PRKG1: variants seen among roughly 807,000 people sequenced by gnomAD.
The protein encoded by PRKG1 is protein kinase cGMP-dependent 1.
A neutral mutation model predicts 88.1 loss-of-function variants in PRKG1; 35 were observed. That is an observed-to-expected ratio of 0.40 (90% confidence interval 0.30 to 0.53). The LOEUF (loss-of-function observed/expected upper bound fraction) is 0.53, where lower values mean the gene tolerates loss of function less well. Ranked by LOEUF, PRKG1 falls within the 20% of genes least tolerant of loss-of-function variation. PRKG1 has a pLI of 0.59. For missense variants in PRKG1, 540 were observed against 839.8 expected (o/e 0.64, Z 4.41); for synonymous variants, 303 against 292.5 (o/e 1.04, Z -0.37).
Position 51,100,191 on chromosome 10 carries a change from G to A in PRKG1, c.311+25290G>A, listed in dbSNP as rs140895654. 3.3e-5 allele frequency among the ~76,000 whole-genome samples: 5 copies of A among 152,242 alleles called. No individual in the cohort carries two copies. In the East Asian group the frequency reaches 9.6e-4, roughly 29 times the overall value. On this transcript the variant is annotated intron_variant, in intron 1 of 17. Coordinates refer to ENST00000373980, the MANE Select transcript of PRKG1 (RefSeq NM_006258.4). ...TTACAGAAATGAGCCATCATACCTG[G>A]TCTAGTTTTGTGTGTATGTTTTAAA...
intron 7 of PRKG1, among the ~76,000 whole-genome samples, chr10:52,066,844 G>A (rs866985286): frequency 6.6e-6 from 1 of 152,198 alleles, no homozygotes; most frequent in African/African-American, 2.4e-5. Context: ...GCGTGTGGAT[G>A]CCATTTTGTG....
rs1840686031 is a variant in PRKG1, at chr10:51,675,435, A to G, written c.593-129150A>G. ...TAAAATTGCAATTTTTATCAAGTCA[A>G]GACATCATCCATCAAGGGAAAAGTT... On this transcript the variant is annotated intron_variant, in intron 3 of 17. Transcript: ENST00000373980. Among the ~76,000 whole-genome samples the G allele has an allele frequency of 3.3e-5, 5 of 152,206 alleles. No homozygotes were observed. In the South Asian group the frequency reaches 1.0e-3, roughly 31 times the overall value.
chr10:52,030,737 G>A (rs1845455043), intron 5 of PRKG1, among the ~76,000 whole-genome samples: 1 of 152,166 alleles, frequency 6.6e-6, no homozygotes, highest in Admixed American at 6.5e-5. Context: ...AATCACTGAT[G>A]TGAATAATAA....
chr10:51,258,938 C>A (rs1043834330), intron 2 of PRKG1, among the ~76,000 whole-genome samples: 1 of 152,094 alleles, frequency 6.6e-6, no homozygotes, highest in African/African-American at 2.4e-5. Context: ...TTGATGTGAA[C>A]CTCACGTTCA....
chr10:52,122,953 A>AAT (rs1847853958), intron 7 of PRKG1, among the ~76,000 whole-genome samples: 1 of 152,178 alleles, frequency 6.6e-6, no homozygotes, highest in Non-Finnish European at 1.5e-5. Context: ...AAAAAATAGC[A>AAT]ATATATATCC....
intron 5 of PRKG1, among the ~76,000 whole-genome samples, chr10:51,936,173 T>C (rs559300563): frequency 1.3e-5 from 2 of 152,046 alleles, no homozygotes; most frequent in Non-Finnish European, 2.9e-5. Flanking sequence ...CTGTTCAATC[T>C]AGTGTGGGCT....
intron 5 of PRKG1, among the ~76,000 whole-genome samples, chr10:52,006,228 T>G (rs955775153): frequency 6.6e-6 from 1 of 152,030 alleles, no homozygotes; most frequent in Admixed American, 6.5e-5. Context: ...CCAGAGCACT[T>G]TCTTTCTTCC....
chr10:51,418,592 T>A (rs761230285), intron 2 of PRKG1, among the ~76,000 whole-genome samples: 23 of 152,206 alleles, frequency 1.5e-4, no homozygotes, highest in Non-Finnish European at 3.1e-4. Context: ...AGATGAGATC[T>A]AAGCCAGGCA....
intron 2 of PRKG1, among the ~76,000 whole-genome samples, chr10:51,242,721 T>C (rs1164831606): frequency 1.3e-5 from 2 of 152,162 alleles, no homozygotes; most frequent in Non-Finnish European, 2.9e-5. Context: ...AAGATTGTAA[T>C]TGACCAGAGG....
chr10:51,211,187 G>A lies in PRKG1; in HGVS notation c.478+57857G>A, dbSNP rs1427530395. Among the ~76,000 whole-genome samples the A allele has an allele frequency of 3.9e-5, 6 of 152,092 alleles. No individual in the cohort carries two copies. In the South Asian group the frequency reaches 8.3e-4, roughly 21 times the overall value. ...TACGAAAATCGATAAACGTAATCCA[G>A]CATATAAACAGAACCAACGACAAAA... On this transcript the variant is annotated intron_variant, in intron 2 of 17. Coordinates refer to ENST00000373980, the MANE Select transcript of PRKG1 (RefSeq NM_006258.4).
chr10:52,247,184 A>AT (rs1338862486), intron 9 of PRKG1, among the ~76,000 whole-genome samples: 2 of 152,230 alleles, frequency 1.3e-5, no homozygotes, highest in East Asian at 1.9e-4. Flanking sequence ...AACAATAATA[A>AT]TTTTTTTAAA....
At chr10:51,002,051 G>A (rs1268798119) in intron 1 of PRKG1, among the ~76,000 whole-genome samples, 1 of 151,546 alleles carries the variant, frequency 6.6e-6, no homozygotes, top group Non-Finnish European at 1.5e-5. Flanking sequence ...GAAACAAAGA[G>A]TACAGTTTGC....
chr10:51,818,711 A>G (rs1839657027), intron 4 of PRKG1, among the ~76,000 whole-genome samples: 1 of 152,040 alleles, frequency 6.6e-6, no homozygotes, highest in Non-Finnish European at 1.5e-5. Context: ...ATATTGTTGT[A>G]AAAGAATACC....
intron 3 of PRKG1, chr10:51,698,532 C>T: frequency 6.2e-7 from 1 of 1,614,182 alleles, no homozygotes; most frequent in South Asian, 1.1e-5. Flanking sequence ...AGCAAAGTCC[C>T]TCCACGTGGG....
chr10:51,477,214 T>A (rs1335264926), intron 3 of PRKG1, among the ~76,000 whole-genome samples: 1 of 151,506 alleles, frequency 6.6e-6, no homozygotes, highest in Non-Finnish European at 1.5e-5. Context: ...ACTGCTGAAC[T>A]CTCTGGGGAG....
chr10:51,323,459 T>C (rs949420309), intron 2 of PRKG1, among the ~76,000 whole-genome samples: 1 of 152,172 alleles, frequency 6.6e-6, no homozygotes, highest in African/African-American at 2.4e-5. Flanking sequence ...CAAGAACAAG[T>C]TATTTAACTC....
intron 9 of PRKG1, among the ~76,000 whole-genome samples, chr10:52,224,927 T>C (rs1169828130): frequency 2.0e-5 from 3 of 151,460 alleles, no homozygotes; most frequent in African/African-American, 7.3e-5. Flanking sequence ...CAATTATGAA[T>C]TGTGCTGCTA....
At chr10:51,891,611 C>T (rs1233369937) in intron 4 of PRKG1, among the ~76,000 whole-genome samples, 4 of 152,132 alleles carry the variant, frequency 2.6e-5, no homozygotes, top group African/African-American at 9.7e-5. Flanking sequence ...GACACCGTAC[C>T]TGACCTTAAG....
At chr10:51,536,194 C>T (rs1842147355) in intron 3 of PRKG1, among the ~76,000 whole-genome samples, 1 of 152,130 alleles carries the variant, frequency 6.6e-6, no homozygotes, top group Non-Finnish European at 1.5e-5. Flanking sequence ...AAGTGATCTG[C>T]CCAGAGTCAC....
Sources: gnomAD v4.1 joint callset for allele counts (sites outside exome capture counted in the v4.1 genomes callset) on GRCh38, gnomAD v4.1.1 for gene constraint, MANE v1.5 for transcripts, NCBI Gene and HGNC (gene_info 2026-07-23, HGNC 2026-07-21) for gene names.